The following PLPP7 variants were observed in gnomAD, a reference collection of about 807,000 sequenced individuals.
PLPP7 encodes inactive phospholipid phosphatase 7.
In PLPP7, 11 loss-of-function variants were observed where a neutral mutation model predicts 16.9. The ratio of observed to expected loss-of-function variants is 0.65; its 90% CI spans 0.41 to 1.08. PLPP7 has a LOEUF of 1.08. Ranked by LOEUF, PLPP7 falls within the 50% of genes least tolerant of loss-of-function variation. The pLI, the probability that PLPP7 is intolerant of heterozygous loss-of-function variation, is 0.00. For synonymous variants in PLPP7, 174 were observed against 175.1 expected, an observed-to-expected ratio of 0.99 and a Z score of 0.05; for missense variants, 358 against 397.1, an observed-to-expected ratio of 0.90 and a Z score of 0.84.
intron 1 of PLPP7, among the ~76,000 whole-genome samples, chr9:131,304,452 T>C (rs1835831576): frequency 6.6e-6 from 1 of 152,152 alleles, no homozygotes. Flanking sequence ...CTGGCCAACA[T>C]GGCGAAACCC....
In PLPP7 at chr9:131,294,876, G is replaced by T. The variant is rs115223307; in HGVS notation, c.451+4428G>T. ...CTCCCAAACTGCTGGGATTATAGGC[G>T]TGAGGTGATCCACCCACCTTGGCCT... On this transcript the variant is annotated intron_variant, in intron 1 of 1. Transcript: ENST00000372264. Among the ~76,000 whole-genome samples the T allele has an allele frequency of 2.6e-3, 401 of 151,954 alleles. 2 individuals are homozygous for T. The highest frequency in any genetic ancestry group is 9.5e-3 in the African/African-American group (392 of 41,476).
At chr9:131,303,225 G>A (rs975251880) in intron 1 of PLPP7, among the ~76,000 whole-genome samples, 4 of 151,760 alleles carry the variant, frequency 2.6e-5, no homozygotes, top group South Asian at 2.1e-4. Context: ...CCAGCTACTC[G>A]GGAGGCTGAG....
chr9:131,297,798 CA>C (rs1258012540), intron 1 of PLPP7, among the ~76,000 whole-genome samples: 4 of 152,316 alleles, frequency 2.6e-5, no homozygotes, highest in African/African-American at 9.6e-5. Context: ...TCCTCTTGCC[CA>C]GCAAGAAGCA....
At chr9:131,294,651 T>C (rs983008696) in intron 1 of PLPP7, among the ~76,000 whole-genome samples, 1 of 151,864 alleles carries the variant, frequency 6.6e-6, no homozygotes, top group Non-Finnish European at 1.5e-5. Flanking sequence ...GAAAGTATCT[T>C]TTTGTTTGTT....
rs1835725709 is a variant in PLPP7 at position 131,295,452 on chromosome 9, A to G, written c.451+5004A>G. ...CAGGAGTGAGCCACCACGCCTGGCT[A>G]TGAAAACTACATTTTTATGTCATTT... On this transcript the variant is annotated intron_variant, in intron 1 of 1. Transcript: ENST00000372264. The surrounding 1 kb of genome is among the most constrained non-coding windows in gnomAD (Gnocchi z 4.0). Among the ~76,000 whole-genome samples, 1 of 152,142 alleles carries G rather than the reference A, an allele frequency of 6.6e-6. No individual in the cohort carries two copies. The highest frequency in any genetic ancestry group is 1.5e-5 in the Non-Finnish European group (1 of 68,020).
At chr9:131,303,595 G>A (rs568031994) in intron 1 of PLPP7, among the ~76,000 whole-genome samples, 5 of 151,542 alleles carry the variant, frequency 3.3e-5, no homozygotes, top group African/African-American at 1.2e-4. Context: ...GCACTGAACT[G>A]TCATTGAGTC....
intron 1 of PLPP7, 62 bp from the exon 2 acceptor site, chr9:131,307,861 G>A: frequency 6.8e-7 from 1 of 1,475,538 alleles, no homozygotes; most frequent in Non-Finnish European, 9.0e-7. Context: ...AATGTGGGGG[G>A]CCAGGGCCTG....
intron 1 of PLPP7, among the ~76,000 whole-genome samples, chr9:131,305,858 GGC>G: frequency 6.6e-6 from 1 of 152,108 alleles, no homozygotes. Flanking sequence ...CGGACTCCTG[GGC>G]TCAAGCAATA....
At chr9:131,297,987 T>C (rs1204124299) in intron 1 of PLPP7, among the ~76,000 whole-genome samples, 2 of 152,196 alleles carry the variant, frequency 1.3e-5, no homozygotes, top group African/African-American at 4.8e-5. Context: ...TAAATATACA[T>C]GGGCCTTATC....
At position 131,308,111 on chromosome 9, in the gene PLPP7, CT is replaced by C. The variant is rs766486553; in HGVS notation, c.641del (p.Leu214ArgfsTer17). On this transcript the variant is annotated frameshift_variant, in exon 2 of 2. Coordinates refer to ENST00000372264, the MANE Select transcript of PLPP7 (RefSeq NM_032728.4). LOFTEE classifies it high-confidence loss of function. ...CAGCCACCTGGTGCTGGCGGTGCCC[CT>C]GCGTGTGCTGCTGGTGCTCTGGGCC... ...FLSHLVLAVP[L>X]RVLLVLWALC... The C allele has an allele frequency of 1.2e-6, 2 of 1,601,368 alleles. No homozygotes were observed. Among genetic ancestry groups the C allele is most frequent in the South Asian group, 2.2e-5 (2 of 91,062 alleles).
chr9:131,307,903 C>T lies in PLPP7; in HGVS notation c.452-20C>T. ...GCTGGTGGCCCTGATGGCCCAGGGG[C>T]CTCTGTCTCCCCCCAACAGCCCTGC... On this transcript the variant is annotated intron_variant, in intron 1 of 1. Coordinates refer to ENST00000372264, the MANE Select transcript of PLPP7 (RefSeq NM_032728.4). 5 of 1,554,492 alleles carry T rather than the reference C, an allele frequency of 3.2e-6. No homozygotes were observed. Among genetic ancestry groups the T allele is most frequent in the South Asian group, 1.2e-5 (1 of 84,626 alleles).
At position 131,290,284 on chromosome 9, in the gene PLPP7, TG is replaced by T. The variant is rs1398429355; in HGVS notation, c.292del (p.Val98CysfsTer37). ...ATCGATATCTGTATGTCCAAGCGGC[TG>T]GGGGTGTGCGCTGGCCGGGCGGCGT... is the stretch of plus-strand genomic sequence containing the variant. ...LAIDICMSKR[L>X]GVCAGRAASW... is the part of the protein sequence containing the mutation. On this transcript the variant is annotated frameshift_variant, in exon 1 of 2. Transcript: ENST00000372264. LOFTEE classifies it high-confidence loss of function. The surrounding 1 kb of genome is among the most constrained non-coding windows in gnomAD (Gnocchi z 4.2). 6.2e-7 allele frequency: 1 copy of T among 1,612,368 alleles called. No individual in the cohort carries two copies. The highest frequency in any genetic ancestry group is 8.5e-7 in the Non-Finnish European group (1 of 1,179,270).
rs889135415 is a variant in PLPP7 at position 131,300,857 on chromosome 9, C to A, written c.452-7066C>A. On this transcript the variant is annotated intron_variant, in intron 1 of 1. Coordinates refer to ENST00000372264, the MANE Select transcript of PLPP7 (RefSeq NM_032728.4). The stretch of plus-strand genomic sequence containing the variant: ...GAGTTGAGGTGCTGGGCCCAGTGTA[C>A]CCCCCGGGTGACTTAGTAAAGTCAG... 7.9e-5 allele frequency among the ~76,000 whole-genome samples: 12 copies of A among 152,152 alleles called. No homozygotes were observed. The East Asian group carries it at 9.6e-4, about 12-fold the overall frequency.
Position 131,291,217 on chromosome 9 carries a change from C to G in PLPP7, c.451+769C>G. ...CCCCGTCCGGCCCACCCTTCGGGCA[C>G]CACCAGGTCCCCAAGGTGCCCCAGG... On this transcript the variant is annotated intron_variant, in intron 1 of 1. Coordinates refer to ENST00000372264, the MANE Select transcript of PLPP7 (RefSeq NM_032728.4). 6.7e-6 allele frequency: 9 copies of G among 1,353,052 alleles called. No homozygotes were observed. The South Asian group carries it at 1.0e-4, about 15-fold the overall frequency. 83.8% of individuals were successfully genotyped at this position (1,353,052 alleles called of 1,614,324 possible).
chr9:131,295,694 C>T lies in PLPP7; in HGVS notation c.451+5246C>T, dbSNP rs939087864. 6.6e-6 allele frequency among the ~76,000 whole-genome samples: 1 copy of T among 152,110 alleles called. No homozygotes were observed. The highest frequency in any genetic ancestry group is 2.4e-5 in the African/African-American group (1 of 41,412). ...CCCCCAGCCCCTGGCAACCTCCATT[C>T]TACACTCTGTCTCTGTGGATTTGAC... On this transcript the variant is annotated intron_variant, in intron 1 of 1. Coordinates refer to ENST00000372264, the MANE Select transcript of PLPP7 (RefSeq NM_032728.4). The surrounding 1 kb of genome is among the most constrained non-coding windows in gnomAD (Gnocchi z 4.0).
chr9:131,291,628 G>A (rs529559611), intron 1 of PLPP7, among the ~76,000 whole-genome samples: 15 of 148,008 alleles, frequency 1.0e-4, no homozygotes, highest in African/African-American at 1.5e-4. Flanking sequence ...GCAGTGGCAC[G>A]ATCTTGGCTC....
intron 1 of PLPP7, among the ~76,000 whole-genome samples, chr9:131,303,225 G>C (rs975251880): frequency 8.6e-5 from 13 of 151,760 alleles, no homozygotes; most frequent in Admixed American, 5.9e-4. Context: ...CCAGCTACTC[G>C]GGAGGCTGAG....
chr9:131,307,370 G>A (rs1174600359), intron 1 of PLPP7, among the ~76,000 whole-genome samples: 1 of 151,546 alleles, frequency 6.6e-6, no homozygotes, highest in Non-Finnish European at 1.5e-5. Context: ...TGTCCAACAT[G>A]GCAAAGCCCC....
At chr9:131,296,100 G>A (rs1299232585) in intron 1 of PLPP7, among the ~76,000 whole-genome samples, 2 of 152,104 alleles carry the variant, frequency 1.3e-5, no homozygotes, top group African/African-American at 2.4e-5. Context: ...CAGCGGCTGC[G>A]TGATTTTACA....
Sources: gnomAD v4.1 joint callset for allele counts (sites outside exome capture counted in the v4.1 genomes callset) on GRCh38, gnomAD v4.1.1 for gene constraint, Gnocchi (gnomAD v3.1) non-coding constraint, MANE v1.5 for transcripts, NCBI Gene and HGNC (gene_info 2026-07-23, HGNC 2026-07-21) for gene names.